The following NBAS variants were observed in gnomAD, a reference collection of about 807,000 sequenced individuals.
NBAS encodes the protein NAG/BC035112 fusion.
Under a neutral mutation model 302.5 loss-of-function variants are expected in NBAS, and 219 were observed. The ratio of observed to expected loss-of-function variants is 0.72; its 90% CI spans 0.65 to 0.81. NBAS has a LOEUF of 0.81. Among genes scored for constraint, NBAS ranks in the 30% least tolerant of loss-of-function variants. NBAS has a pLI of 0.00. For missense variants in NBAS, 2,932 were observed against 2,841.6 expected, an observed-to-expected ratio of 1.03 and a Z score of -0.72; for synonymous variants, 1,118 against 1,021.6, an observed-to-expected ratio of 1.09 and a Z score of -1.80.
intron 19 of NBAS, among the ~76,000 whole-genome samples, chr2:15,466,736 A>G (rs1572892375): frequency 6.6e-6 from 1 of 152,128 alleles, no homozygotes; most frequent in East Asian, 1.9e-4. Context: ...CTAGAAGTTC[A>G]AAACCAGACT....
the NBAS span, among the ~76,000 whole-genome samples, chr2:14,793,748 G>T: frequency 3.3e-5 from 5 of 151,996 alleles, no homozygotes; most frequent in African/African-American, 1.2e-4. Flanking sequence ...TAAACTCAAA[G>T]AAATCTATAC....
the NBAS span, among the ~76,000 whole-genome samples, chr2:14,871,622 T>C: frequency 1.3e-4 from 19 of 151,936 alleles, no homozygotes; most frequent in Non-Finnish European, 2.5e-4. Flanking sequence ...GGAAGTAAAA[T>C]GTATAATAGT....
At chr2:15,095,844 A>G in the NBAS span, among the ~76,000 whole-genome samples, 3 of 152,122 alleles carry the variant, frequency 2.0e-5, no homozygotes, top group African/African-American at 7.2e-5. Context: ...CTCCAGTCCA[A>G]CTGTTGTTCT....
Position 15,475,575 on chromosome 2 carries a change from A to T in NBAS, c.1341+112T>A. ...CTACAACCATTACCTGATTCCAATC[A>T]CAGATTTTTATTTTTAAAGAAAAGA... is the stretch of plus-strand genomic sequence containing the variant. On this transcript the variant is annotated intron_variant, in intron 14 of 51. Coordinates refer to ENST00000281513, the MANE Select transcript of NBAS (RefSeq NM_015909.4). The T allele has an allele frequency of 3.5e-6, 4 of 1,131,348 alleles. No homozygotes were observed. In the South Asian group the frequency reaches 5.9e-5, roughly 17 times the overall value. The allele number at this position is 1,131,348 out of a possible 1,614,324, so 70.1% of individuals were successfully genotyped here.
the NBAS span, among the ~76,000 whole-genome samples, chr2:15,138,892 C>T: frequency 6.6e-6 from 1 of 152,178 alleles, no homozygotes; most frequent in African/African-American, 2.4e-5. Context: ...AAGTCAGCTC[C>T]AAGAAGTCAC....
intron 9 of NBAS, among the ~76,000 whole-genome samples, chr2:15,528,899 G>GGTGTATATATATATATA (rs1663077898): frequency 1.6e-5 from 2 of 122,246 alleles, no homozygotes; most frequent in Non-Finnish European, 3.3e-5. Context: ...ATATATATAT[G>GGTGTATATATATATATA]TGTGTATATA....
chr2:15,020,333 G>A, the NBAS span, among the ~76,000 whole-genome samples: 2 of 152,364 alleles, frequency 1.3e-5, no homozygotes, highest in Admixed American at 6.5e-5. Context: ...AGGGTGATAT[G>A]AGGAATAAAT....
At chr2:14,960,235 C>CTGTA in the NBAS span, among the ~76,000 whole-genome samples, 1 of 152,228 alleles carries the variant, frequency 6.6e-6, no homozygotes, top group South Asian at 2.1e-4. Context: ...CTGTGCACAG[C>CTGTA]TGTAGCACAG....
At chr2:15,075,904 T>C in the NBAS span, among the ~76,000 whole-genome samples, 2 of 152,234 alleles carry the variant, frequency 1.3e-5, no homozygotes, top group Non-Finnish European at 1.5e-5. Context: ...CATTTTACTT[T>C]GTATGAATTT....
intron 47 of NBAS, among the ~76,000 whole-genome samples, chr2:15,231,474 A>ATGAC (rs763373141): frequency 3.3e-5 from 5 of 152,188 alleles, no homozygotes; most frequent in Non-Finnish European, 5.9e-5. Context: ...TCCCAGCTGT[A>ATGAC]TGACTCTGGG....
intron 21 of NBAS, among the ~76,000 whole-genome samples, chr2:15,437,648 G>T (rs1678097314): frequency 6.6e-6 from 1 of 151,994 alleles, no homozygotes; most frequent in Admixed American, 6.6e-5. Flanking sequence ...GGTAGAGAAG[G>T]GAAACAAAAC....
Position 15,318,283 on chromosome 2 carries a change from T to A in NBAS, c.4583-9036A>T, listed in dbSNP as rs2204710. ...GAAAGGAACAACTGGTATCAGCCAC[T>A]GTAAAAACATGCCAAATTGTAAAGA... On this transcript the variant is annotated intron_variant, in intron 38 of 51. Transcript: ENST00000281513. Among the ~76,000 whole-genome samples, 8 of 152,134 alleles carry A rather than the reference T, an allele frequency of 5.3e-5. No individual in the cohort carries two copies. In the East Asian group the frequency reaches 7.7e-4, roughly 15 times the overall value.
intron 33 of NBAS, among the ~76,000 whole-genome samples, chr2:15,355,726 C>T (rs566208614): frequency 7.2e-5 from 11 of 152,170 alleles, no homozygotes; most frequent in African/African-American, 2.6e-4. Flanking sequence ...CCTTCTAATC[C>T]AGCCAGTTAA....
the NBAS span, among the ~76,000 whole-genome samples, chr2:14,961,605 G>A: frequency 6.6e-6 from 1 of 152,170 alleles, no homozygotes; most frequent in Admixed American, 6.5e-5. Context: ...TTATCAATTA[G>A]CCTCATGTCT....
chr2:14,906,239 C>A, the NBAS span, among the ~76,000 whole-genome samples: 1 of 152,176 alleles, frequency 6.6e-6, no homozygotes, highest in Non-Finnish European at 1.5e-5. Context: ...GCACTGTGCA[C>A]AATTTGTGTC....
At chr2:14,978,676 A>G in the NBAS span, among the ~76,000 whole-genome samples, 210 of 152,284 alleles carry the variant, frequency 1.4e-3, no homozygotes, top group African/African-American at 4.7e-3. Context: ...AGGTCAAGAG[A>G]GGTTGGGCAA....
chr2:14,999,143 C>T, the NBAS span, among the ~76,000 whole-genome samples: 1 of 151,906 alleles, frequency 6.6e-6, no homozygotes, highest in Non-Finnish European at 1.5e-5. Context: ...TTCAAGGCTG[C>T]AGGAATTCTG....
At chr2:15,014,850 G>T in the NBAS span, among the ~76,000 whole-genome samples, 34 of 151,680 alleles carry the variant, frequency 2.2e-4, no homozygotes, top group Non-Finnish European at 4.3e-4. Flanking sequence ...GAAACAAAAA[G>T]TTGGTTTATT....
At chr2:14,802,394 G>T in the NBAS span, among the ~76,000 whole-genome samples, 3 of 150,880 alleles carry the variant, frequency 2.0e-5, no homozygotes, top group African/African-American at 7.3e-5. Flanking sequence ...CTCTGTTTTG[G>T]TACCAGTCCC....
Sources: gnomAD v4.1 joint callset for allele counts (sites outside exome capture counted in the v4.1 genomes callset) on GRCh38, gnomAD v4.1.1 for gene constraint, MANE v1.5 for transcripts, NCBI Gene and HGNC (gene_info 2026-07-23, HGNC 2026-07-21) for gene names.